Variants in OSBPL7 observed in about 807,000 individuals in gnomAD.
OSBPL7 encodes oxysterol-binding protein-related protein 7.
OSBPL7 carries 66 observed loss-of-function variants against 115.8 expected under a neutral mutation model. The observed-to-expected ratio is 0.57, with a 90% CI of 0.47 to 0.70. The LOEUF is 0.70. Among genes scored for constraint, OSBPL7 ranks in the 30% least tolerant of loss-of-function variants. OSBPL7 has a pLI of 0.00. For missense variants in OSBPL7, 902 were observed against 1,125.5 expected (o/e 0.80, Z 2.84); for synonymous variants, 441 against 439.2 (o/e 1.00, Z -0.05).
At position 47,816,983 on chromosome 17, in the gene OSBPL7, A is replaced by G; in HGVS notation, c.703-111T>C. The G allele has an allele frequency of 9.4e-7, 1 of 1,067,006 alleles. No individual in the cohort carries two copies. The highest frequency in any genetic ancestry group is 1.4e-6 in the Non-Finnish European group (1 of 694,508). 66.1% of individuals were successfully genotyped at this position (1,067,006 alleles called of 1,614,324 possible). A position where few individuals can be genotyped will look rare whatever the true frequency, so the allele number is the denominator to read the frequency against. On this transcript the variant is annotated intron_variant, in intron 8 of 22. Transcript: ENST00000007414. This position sits in a 1 kb window ranked among gnomAD's most constrained non-coding sequence, Gnocchi z 5.8. Reference sequence around the variant, plus strand: ...TCCTGCGCCATGGAGGAGGGCGCAGATTACCCAGCACAGAGGATGCGGCCG... The same window carrying G: ...TCCTGCGCCATGGAGGAGGGCGCAGGTTACCCAGCACAGAGGATGCGGCCG...
chr17:47,816,124 A>G lies in OSBPL7; in HGVS notation c.1102T>C (p.Ser368Pro). 4 of 1,551,150 alleles carry G rather than the reference A, an allele frequency of 2.6e-6. No individual in the cohort carries two copies. The highest frequency in any genetic ancestry group is 3.5e-6 in the Non-Finnish European group (4 of 1,146,864). ...CTCCTCACCTCCTCAGGGTTGAGGG[A>G]GCTGAAAGAGTCCGCCGTGGTGTCG... The part of the protein sequence containing the change: ...SSDTTADSFS[S>P]LNPEEQEALY... Residue 368 changes from serine (S) to proline (P), a missense_variant, in exon 12 of 23, where the codon TCC becomes CCC. Ser to Pro is a moderately conservative substitution (Grantham distance 74). Transcript: ENST00000007414. The surrounding 1 kb of genome is among the most constrained non-coding windows in gnomAD (Gnocchi z 5.8).
At chr17:47,814,831 C>A (rs2033163945) in intron 13 of OSBPL7, 1 of 584,986 alleles carries the variant, frequency 1.7e-6, no homozygotes, top group Non-Finnish European at 3.0e-6. Context: ...GGCCCTGTGG[C>A]TGGCGGGAAA....
chr17:47,814,488 C>CCA, intron 14 of OSBPL7, 33 bp downstream of exon 14: 1 of 1,237,310 alleles, frequency 8.1e-7, no homozygotes, highest in Non-Finnish European at 1.2e-6. Context: ...CACCCGCCTC[C>CCA]CACCCCTCCC....
chr17:47,819,429 T>C, intron 4 of OSBPL7: 1 of 568,114 alleles, frequency 1.8e-6, no homozygotes, highest in Non-Finnish European at 3.1e-6. Flanking sequence ...AGCCTGAGAA[T>C]GGGACCAGGA....
intron 4 of OSBPL7, 184 bp downstream of exon 4, chr17:47,819,545 T>C (rs1336467773): frequency 2.9e-6 from 2 of 689,544 alleles, no homozygotes; most frequent in East Asian, 5.2e-5. Context: ...TGGGGGATGG[T>C]GCTCTCCCAT....
Position 47,816,814 on chromosome 17 carries a change from G to A in OSBPL7, c.761C>T (p.Thr254Ile). The A allele has an allele frequency of 6.2e-7, 1 of 1,614,116 alleles. No individual in the cohort carries two copies. Among genetic ancestry groups the A allele is most frequent in the Non-Finnish European group, 8.5e-7 (1 of 1,180,028 alleles). ...GGTGTCATCCTTGGCAAAGCTCTGGGTGCACCACATGCGGCTTGTCCGTTT... is the reference window on the plus strand; with the variant it reads ...GGTGTCATCCTTGGCAAAGCTCTGGATGCACCACATGCGGCTTGTCCGTTT... Reference protein sequence around the residue: ...KGKRTSRMWCTQSFAKDDTIG... With the variant: ...KGKRTSRMWCIQSFAKDDTIG... The change falls in exon 9 of 23, where the codon ACC becomes ATC. Residue 254 changes from threonine (T) to isoleucine (I), a missense_variant. This residue lies in a region of OSBPL7 where 667 missense variants were observed against 788.7 expected (regional missense o/e 0.85). Coordinates refer to ENST00000007414, the MANE Select transcript of OSBPL7 (RefSeq NM_145798.3). The surrounding 1 kb of genome is among the most constrained non-coding windows in gnomAD (Gnocchi z 5.8).
chr17:47,815,182 C>A, intron 13 of OSBPL7, 33 bp downstream of exon 13: 2 of 1,598,486 alleles, frequency 1.3e-6, no homozygotes, highest in Middle Eastern at 1.7e-4. Context: ...TCCCCCCTAC[C>A]CCGCCTCACT....
chr17:47,810,814 A>G lies in OSBPL7; in HGVS notation c.1759T>C (p.Ser587Pro), dbSNP rs112346339. 6.2e-7 allele frequency: 1 copy of G among 1,613,846 alleles called. No homozygotes were observed. The highest frequency in any genetic ancestry group is 8.5e-7 in the Non-Finnish European group (1 of 1,179,950). Residue 587 changes from serine to proline, a missense_variant, in exon 17 of 23, where the codon TCG becomes CCG. Physicochemically the swap from Ser to Pro is moderately conservative, Grantham distance 74. Coordinates refer to ENST00000007414, the MANE Select transcript of OSBPL7 (RefSeq NM_145798.3). ...TTCTCAGACTCTGCATGGCAGGCCG[A>G]GATAGGGGGGTGGTGGGAGACCTTG... ...SEQVSHHPPI[S>P]ACHAESENFA...
rs760175900 is a variant in OSBPL7 at position 47,816,782 on chromosome 17, G to A, written c.793C>T (p.Arg265Trp). ...QSFAKDDTIGRVGRLHGSVPN... is the reference protein window; with the variant it reads ...QSFAKDDTIGWVGRLHGSVPN... ...GTGAGGTGCATGCCCGACCTCACCC[G>A]TCCAATGGTGTCATCCTTGGCAAAG... The change falls in exon 9 of 23, where the codon CGG (arginine) becomes TGG (tryptophan). Residue 265 changes from arginine (R) to tryptophan (W), a missense_variant and splice_region_variant. Transcript: ENST00000007414. This position sits in a 1 kb window ranked among gnomAD's most constrained non-coding sequence, Gnocchi z 5.8. The A allele has an allele frequency of 7.4e-6, 12 of 1,614,138 alleles. No individual in the cohort carries two copies. Among genetic ancestry groups the A allele is most frequent in the Non-Finnish European group, 5.9e-6 (7 of 1,180,022 alleles).
chr17:47,819,918 C>CCA, intron 3 of OSBPL7, 53 bp downstream of exon 3: 3 of 1,517,044 alleles, frequency 2.0e-6, no homozygotes, highest in Non-Finnish European at 2.7e-6. Flanking sequence ...AGCTGCCCCC[C>CCA]ATTCCCACCC....
rs774465901 is a variant in OSBPL7, at chr17:47,813,596, G to A, written c.1590C>T (p.Cys530=). The A allele has an allele frequency of 1.2e-6, 2 of 1,610,138 alleles. No homozygotes were observed. Among genetic ancestry groups the A allele is most frequent in the Admixed American group, 1.7e-5 (1 of 59,932 alleles). Reference sequence around the variant, plus strand: ...GACAGGAAGCAGGTACCATGCGCTCGCAGGGGTCGGCGATGCGGCTGGCCT... The same window carrying A: ...GACAGGAAGCAGGTACCATGCGCTCACAGGGGTCGGCGATGCGGCTGGCCT... ...LDQASRIADP[C]ERMVYIAAFA... The change falls in exon 15 of 23, where the codon TGC becomes TGT. Residue 530 remains cysteine (C), a synonymous_variant. Transcript: ENST00000007414.
chr17:47,808,923 C>A lies in OSBPL7; in HGVS notation c.2238G>T (p.Leu746=), dbSNP rs776050530. 2.5e-6 allele frequency: 4 copies of A among 1,614,232 alleles called. No homozygotes were observed. The East Asian group carries it at 6.7e-5, about 27-fold the overall frequency. The part of the protein sequence containing the change: ...FTQFALELNE[L]TAELKRSLPS... ...GCAGCGACCGTTTCAGCTCTGCTGT[C>A]AGCTCATTCAGCTCCAAGGCAAACT... is the stretch of plus-strand genomic sequence containing the variant. Residue 746 remains leucine, a synonymous_variant, in exon 21 of 23, where the codon CTG becomes CTT. Transcript: ENST00000007414. This position sits in a 1 kb window ranked among gnomAD's most constrained non-coding sequence, Gnocchi z 6.1.
intron 16 of OSBPL7, among the ~76,000 whole-genome samples, chr17:47,812,305 C>T (rs975137444): frequency 1.3e-5 from 2 of 152,234 alleles, no homozygotes; most frequent in Non-Finnish European, 2.9e-5. Flanking sequence ...AGCGCTCCTG[C>T]CTGCCCTCCT....
At position 47,808,453 on chromosome 17, in the gene OSBPL7, G is replaced by A. The variant is rs993785921; in HGVS notation, c.2421-54C>T. 69 of 1,613,508 alleles carry A rather than the reference G, an allele frequency of 4.3e-5. No individual in the cohort carries two copies. Among genetic ancestry groups the A allele is most frequent in the Non-Finnish European group, 5.6e-5 (66 of 1,179,566 alleles). ...GGTGAACATCTAGAAGGCAGGCTAG[G>A]GTCCTAAGGTGCTGCCTCCCACACC... On this transcript the variant is annotated intron_variant, in intron 22 of 22. Coordinates refer to ENST00000007414, the MANE Select transcript of OSBPL7 (RefSeq NM_145798.3). This position sits in a 1 kb window ranked among gnomAD's most constrained non-coding sequence, Gnocchi z 6.1.
At position 47,816,578 on chromosome 17, in the gene OSBPL7, C is replaced by T; in HGVS notation, c.913G>A (p.Ala305Thr). 6.2e-7 allele frequency: 1 copy of T among 1,612,452 alleles called. No homozygotes were observed. Among genetic ancestry groups the T allele is most frequent in the Non-Finnish European group, 8.5e-7 (1 of 1,179,364 alleles). Residue 305 changes from alanine to threonine, a missense_variant, in exon 10 of 23, where the codon GCC (alanine) becomes ACC (threonine). Ala to Thr is a moderately conservative substitution (Grantham distance 58, BLOSUM62 0). Around this residue, in one of 3 missense-constraint regions of OSBPL7, gnomAD observed 667 missense variants for 788.7 expected, o/e 0.85. Transcript: ENST00000007414. The surrounding 1 kb of genome is among the most constrained non-coding windows in gnomAD (Gnocchi z 5.8). ...DYAHLQRSFW[A>T]LAQKVHSSLS... ...AGGCACTTACCCTTCTGGGCCAGGGCCCAGAAGCTGCGCTGCAGGTGGGCA... is the reference window on the plus strand; with the variant it reads ...AGGCACTTACCCTTCTGGGCCAGGGTCCAGAAGCTGCGCTGCAGGTGGGCA...
Position 47,810,592 on chromosome 17 carries a change from AC to A in OSBPL7, c.1880+1del. The A allele has an allele frequency of 6.2e-7, 1 of 1,613,596 alleles. No homozygotes were observed. ...TGGCTGCTGAGAGTCTAAGAATCCC[AC>A]CTGGGCAGGCTGACGTTGACTGTTC... On this transcript the variant is annotated splice_donor_variant, in intron 18 of 22. Transcript: ENST00000007414. LOFTEE classifies it high-confidence loss of function.
At chr17:47,814,080 C>G (rs2033137313) in intron 14 of OSBPL7, among the ~76,000 whole-genome samples, 1 of 152,218 alleles carries the variant, frequency 6.6e-6, no homozygotes, top group African/African-American at 2.4e-5. Flanking sequence ...CTGCCAGAAA[C>G]CCTGCACCCC....
rs751721316 is a variant in OSBPL7 at position 47,808,843 on chromosome 17, C to A, written c.2297+21G>T. The A allele has an allele frequency of 5.0e-6, 8 of 1,613,832 alleles. No homozygotes were observed. The East Asian group carries it at 6.7e-5, about 13-fold the overall frequency. ...GGGAGTGAACTAGATGGTTCTAGGC[C>A]GGCACCCATCCGGCACTGACCTCTG... On this transcript the variant is annotated intron_variant, in intron 21 of 22. Transcript: ENST00000007414. The surrounding 1 kb of genome is among the most constrained non-coding windows in gnomAD (Gnocchi z 6.1).
intron 17 of OSBPL7, 41 bp downstream of exon 17, chr17:47,810,731 C>T (rs571976620): frequency 6.2e-6 from 10 of 1,613,446 alleles, no homozygotes; most frequent in African/African-American, 2.7e-5. Context: ...AGGGTGTTCC[C>T]TTTGCCCAGG....
Sources: allele counts gnomAD v4.1 joint callset (sites outside exome capture counted in the v4.1 genomes callset), GRCh38; gene constraint gnomAD v4.1.1; regional missense constraint gnomAD v4.1.1; non-coding constraint Gnocchi (gnomAD v3.1); transcripts MANE v1.5; gene names NCBI Gene and HGNC (gene_info 2026-07-23, HGNC 2026-07-21).